GSS: variants seen among roughly 807,000 people sequenced by gnomAD.
GSS encodes the protein glutathione synthetase.
A neutral mutation model predicts 60.4 loss-of-function variants in GSS; 34 were observed. The observed-to-expected ratio is 0.56, with a 90% CI of 0.43 to 0.75. The LOEUF is 0.75. Ranked by LOEUF, GSS falls within the 30% of genes least tolerant of loss-of-function variation. The probability of loss-of-function intolerance (pLI) is 0.00; values close to 1 mark genes in which losing one functional copy is unlikely to be tolerated. For missense variants in GSS, 499 were observed against 595.1 expected (o/e 0.84, Z 1.68); for synonymous variants, 224 against 239.0 (o/e 0.94, Z 0.58).
chr20:34,953,610 CTCTT>C (rs528916493), intron 1 of GSS, among the ~76,000 whole-genome samples: 11,020 of 146,428 alleles, frequency 0.075, 473 homozygotes, highest in South Asian at 0.13. Context: ...CTCTCCCTCC[CTCTT>C]TCTTTCTTTT....
chr20:34,938,799 T>C (rs1334625908), intron 6 of GSS, among the ~76,000 whole-genome samples: 1 of 152,194 alleles, frequency 6.6e-6, no homozygotes, highest in South Asian at 2.1e-4. Flanking sequence ...AGTAGGAAAG[T>C]TGTCAGCTAA....
intron 9 of GSS, chr20:34,933,483 G>A (rs562735467): frequency 6.5e-6 from 1 of 153,846 alleles, no homozygotes; most frequent in South Asian, 2.1e-4. Context: ...GGAAACAGCA[G>A]GGGATCATGC....
chr20:34,952,030 A>C, intron 1 of GSS, 170 bp from the exon 2 acceptor site: 1 of 676,082 alleles, frequency 1.5e-6, no homozygotes, highest in South Asian at 1.6e-5. Context: ...AACAACTTCC[A>C]TGTGCACAAA....
intron 3 of GSS, among the ~76,000 whole-genome samples, chr20:34,945,135 C>T (rs1273119816): frequency 3.3e-5 from 5 of 151,598 alleles, no homozygotes; most frequent in African/African-American, 4.8e-5. Flanking sequence ...ATTCTCCTGC[C>T]TCAGCCTCCC....
At chr20:34,939,444 C>T (rs1298923590) in intron 6 of GSS, among the ~76,000 whole-genome samples, 1 of 152,056 alleles carries the variant, frequency 6.6e-6, no homozygotes, top group Non-Finnish European at 1.5e-5. Context: ...AATTAATCTG[C>T]TCTACCAATG....
In GSS at chr20:34,942,917, C is replaced by T. The variant is rs1220242083; in HGVS notation, c.351+14G>A. The T allele has an allele frequency of 6.4e-7, 1 of 1,562,528 alleles. No individual in the cohort carries two copies. The highest frequency in any genetic ancestry group is 1.7e-5 in the Admixed American group (1 of 59,170). On this transcript the variant is annotated intron_variant, in intron 4 of 12. Transcript: ENST00000651619. ...GGACAGGTTACAGACTGGAGTAGGG[C>T]TGGGAATGGTTACCTGGGCAATGCC...
chr20:34,931,531 C>T, intron 10 of GSS, 114 bp from the exon 11 acceptor site: 1 of 827,394 alleles, frequency 1.2e-6, no homozygotes, highest in South Asian at 1.4e-5. Context: ...GGAGAACAGC[C>T]ACAAATTCCT....
At chr20:34,929,040 TA>T in intron 12 of GSS, 89 bp from the exon 13 acceptor site, 1 of 1,475,362 alleles carries the variant, frequency 6.8e-7, no homozygotes, top group Non-Finnish European at 9.4e-7. Flanking sequence ...AGTACCTGGG[TA>T]ACTGTCTATA....
Position 34,955,728 on chromosome 20 carries a change from A to C in GSS, c.-10T>G, listed in dbSNP as rs2081622066. On this transcript the variant is annotated splice_region_variant and 5_prime_UTR_variant, in exon 1 of 13. Coordinates refer to ENST00000651619, the MANE Select transcript of GSS (RefSeq NM_000178.4). ...GCCGCCGTGGCCGCCCCAACCTACTAGTTCGCCTTTCCTCCGCGAACGGTT... is the reference window on the plus strand; with the variant it reads ...GCCGCCGTGGCCGCCCCAACCTACTCGTTCGCCTTTCCTCCGCGAACGGTT... The C allele has an allele frequency of 6.6e-6, 1 of 152,144 alleles. No individual in the cohort carries two copies. Among genetic ancestry groups the C allele is most frequent in the Non-Finnish European group, 1.5e-5 (1 of 68,030 alleles). 9.4% of individuals were successfully genotyped at this position (152,144 alleles called of 1,614,324 possible). A position where few individuals can be genotyped will look rare whatever the true frequency, so the allele number is the denominator to read the frequency against.
At chr20:34,938,015 C>T (rs1050784299) in intron 6 of GSS, among the ~76,000 whole-genome samples, 6 of 152,060 alleles carry the variant, frequency 3.9e-5, no homozygotes, top group East Asian at 3.9e-4. Flanking sequence ...GCACCACCCC[C>T]GCCGGCTAAT....
At chr20:34,942,129 T>C (rs1289318581) in intron 5 of GSS, among the ~76,000 whole-genome samples, 1 of 152,158 alleles carries the variant, frequency 6.6e-6, no homozygotes, top group Non-Finnish European at 1.5e-5. Context: ...GGAATCCTGC[T>C]GCAGACCATC....
rs930264754 is a variant in GSS at position 34,951,780 on chromosome 20, G to C, written c.73C>G (p.Arg25Gly). The change falls in exon 2 of 13, where the codon CGG becomes GGG. Residue 25 changes from arginine (R) to glycine (G), a missense_variant. Arg to Gly is a moderately radical substitution (Grantham distance 125). Transcript: ENST00000651619. Reference protein sequence around the residue: ...LEELARQAVDRALAEGVLLRT... With the variant: ...LEELARQAVDGALAEGVLLRT... Reference sequence around the variant, plus strand: ...AGCAATACTCCCTCAGCCAGGGCCCGGTCCACGGCCTGCCGTGCCAGCTCC... The same window carrying C: ...AGCAATACTCCCTCAGCCAGGGCCCCGTCCACGGCCTGCCGTGCCAGCTCC... 1 of 1,613,770 alleles carries C rather than the reference G, an allele frequency of 6.2e-7. No individual in the cohort carries two copies. Among genetic ancestry groups the C allele is most frequent in the African/African-American group, 1.3e-5 (1 of 74,922 alleles).
At chr20:34,943,074 C>T (rs1481695020) in intron 3 of GSS, 68 bp from the exon 4 acceptor site, 2 of 974,304 alleles carry the variant, frequency 2.1e-6, no homozygotes, top group East Asian at 2.5e-5. Flanking sequence ...GTCCCATCCT[C>T]AGTCATTGAC....
At chr20:34,941,085 A>G (rs534572231) in intron 6 of GSS, among the ~76,000 whole-genome samples, 16 of 152,326 alleles carry the variant, frequency 1.1e-4, no homozygotes, top group Non-Finnish European at 2.1e-4. Flanking sequence ...GGCCGGGTGC[A>G]GTGGCTCATG....
chr20:34,939,135 G>A (rs1307912666), intron 6 of GSS, among the ~76,000 whole-genome samples: 2 of 152,138 alleles, frequency 1.3e-5, no homozygotes, highest in Non-Finnish European at 2.9e-5. Flanking sequence ...AGTTACTTGG[G>A]AGGCTAAGGC....
upstream of GSS, chr20:34,955,980 G>GA (rs2081628841): frequency 6.6e-6 from 1 of 152,342 alleles, no homozygotes; most frequent in African/African-American, 2.4e-5. Flanking sequence ...GAGGGGAGGG[G>GA]ACCATCGGGG....
At chr20:34,935,018 G>A (rs1406910132) in intron 9 of GSS, among the ~76,000 whole-genome samples, 1 of 152,184 alleles carries the variant, frequency 6.6e-6, no homozygotes, top group Non-Finnish European at 1.5e-5. Context: ...ACTTCCTGTA[G>A]GGCCTTAGAG....
chr20:34,929,681 G>T (rs2081384709), intron 11 of GSS, 91 bp from the exon 12 acceptor site: 2 of 1,134,106 alleles, frequency 1.8e-6, no homozygotes, highest in South Asian at 1.2e-5. Flanking sequence ...CAAGTCAGCA[G>T]CCTCAGTTCC....
chr20:34,939,175 G>A (rs1249330065), intron 6 of GSS, among the ~76,000 whole-genome samples: 2 of 152,166 alleles, frequency 1.3e-5, no homozygotes, highest in African/African-American at 4.8e-5. Context: ...GGAAGGTGGA[G>A]GATGTAGTGA....
Sources: allele counts gnomAD v4.1 joint callset (sites outside exome capture counted in the v4.1 genomes callset), GRCh38; gene constraint gnomAD v4.1.1; transcripts MANE v1.5; gene names NCBI Gene and HGNC (gene_info 2026-07-23, HGNC 2026-07-21).